The following TEX9 variants were observed in gnomAD, a reference collection of about 807,000 sequenced individuals.
The protein encoded by TEX9 is testis expressed 9.
In TEX9, 74 loss-of-function variants were observed where a neutral mutation model predicts 59.6. That is an observed-to-expected ratio of 1.24 (90% CI 1.03 to 1.51). TEX9 has a LOEUF of 1.51. Among genes scored for constraint, TEX9 ranks in the 40% most tolerant of loss-of-function variants. The pLI, the probability that TEX9 is intolerant of heterozygous loss-of-function variation, is 0.00. For synonymous variants in TEX9, 186 were observed against 152.2 expected (o/e 1.22, Z -1.64); for missense variants, 522 against 447.8 (o/e 1.17, Z -1.49).
chr15:56,267,597 T>C (rs1480015779), intron 1 of TEX9, among the ~76,000 whole-genome samples: 1 of 152,222 alleles, frequency 6.6e-6, no homozygotes, highest in Admixed American at 6.5e-5. Context: ...CCTTTCCCCA[T>C]TTCTTGTTTT....
intron 1 of TEX9, among the ~76,000 whole-genome samples, chr15:56,349,429 G>T (rs1335632893): frequency 6.6e-6 from 1 of 152,082 alleles, no homozygotes; most frequent in Non-Finnish European, 1.5e-5. Context: ...ACATAATTTT[G>T]GGATTTCCCT....
intron 1 of TEX9, among the ~76,000 whole-genome samples, chr15:56,314,791 C>T (rs1435456239): frequency 6.6e-6 from 1 of 151,720 alleles, no homozygotes; most frequent in East Asian, 1.9e-4. Context: ...GTCTAAGTCT[C>T]TTTGTAGGTC....
chr15:56,381,477 T>A (rs1353643597), intron 3 of TEX9, among the ~76,000 whole-genome samples: 1 of 152,234 alleles, frequency 6.6e-6, no homozygotes, highest in Non-Finnish European at 1.5e-5. Flanking sequence ...TGTCACTGTC[T>A]AGGCATTGAA....
upstream of TEX9, among the ~76,000 whole-genome samples, chr15:56,363,674 T>C (rs1376905379): frequency 6.7e-6 from 1 of 149,288 alleles, no homozygotes; most frequent in South Asian, 2.1e-4. Context: ...TTGTTTTTCT[T>C]TTTTTTTTTG....
chr15:56,342,209 G>A (rs192350311), intron 1 of TEX9, among the ~76,000 whole-genome samples: 6 of 152,096 alleles, frequency 3.9e-5, no homozygotes, highest in Non-Finnish European at 5.9e-5. Flanking sequence ...TATGCCAGGC[G>A]CTCTCCTAAT....
chr15:56,427,753 T>G lies in TEX9; in HGVS notation c.1098+14T>G. On this transcript the variant is annotated intron_variant, in intron 11 of 12. Coordinates refer to ENST00000352903, the Ensembl canonical transcript of TEX9. ...AAAAGGCAAAAGGTGAGTCTATCATTAAAGTTAAATCATCATATTATTTGT... is the reference window on the plus strand; with the variant it reads ...AAAAGGCAAAAGGTGAGTCTATCATGAAAGTTAAATCATCATATTATTTGT... 1.4e-6 allele frequency: 2 copies of G among 1,437,174 alleles called. No individual in the cohort carries two copies. Among genetic ancestry groups the G allele is most frequent in the Non-Finnish European group, 1.8e-6 (2 of 1,084,796 alleles). 89.0% of individuals were successfully genotyped at this position (1,437,174 alleles called of 1,614,324 possible). A position where few individuals can be genotyped will look rare whatever the true frequency, so the allele number is the denominator to read the frequency against.
intron 1 of TEX9, among the ~76,000 whole-genome samples, chr15:56,349,541 A>C (rs2046535719): frequency 1.3e-5 from 2 of 152,120 alleles, no homozygotes; most frequent in African/African-American, 4.8e-5. Context: ...CCTCTGTTGT[A>C]CCAAATGCAG....
chr15:56,325,056 G>C (rs2045993958), intron 1 of TEX9, among the ~76,000 whole-genome samples: 1 of 152,216 alleles, frequency 6.6e-6, no homozygotes, highest in South Asian at 2.1e-4. Flanking sequence ...GTTTAAGTCA[G>C]TTTGGCAATA....
intron 3 of TEX9, among the ~76,000 whole-genome samples, chr15:56,380,115 T>C (rs2047657601): frequency 6.6e-6 from 1 of 152,118 alleles, no homozygotes; most frequent in Non-Finnish European, 1.5e-5. Context: ...GTCTTCCTTT[T>C]ATTGAAGGTG....
At chr15:56,316,623 C>G (rs187659221) in intron 1 of TEX9, among the ~76,000 whole-genome samples, 7,053 of 152,196 alleles carry the variant, frequency 0.046, 582 homozygotes, top group East Asian at 0.37. Context: ...GCCCTGCCCC[C>G]AGAGGTGGAG....
At chr15:56,315,623 T>G (rs1227857375) in intron 1 of TEX9, among the ~76,000 whole-genome samples, 1 of 147,782 alleles carries the variant, frequency 6.8e-6, no homozygotes, top group African/African-American at 2.4e-5. Context: ...CTGACAATTA[T>G]GTGTCTTGGA....
rs533212544 is a variant in TEX9, at chr15:56,251,508, C to T, written c.-107+7230C>T. On this transcript the variant is annotated intron_variant, in intron 1 of 5. Transcript: ENST00000560827. ...AAGGAAGATGTTAGTAATTAGCTAA[C>T]GGATTGATTCCTTTTTTGGAGAGTA... Among the ~76,000 whole-genome samples the T allele has an allele frequency of 2.0e-5, 3 of 152,152 alleles. No homozygotes were observed. The South Asian group carries it at 6.2e-4, about 32-fold the overall frequency.
chr15:56,279,362 C>A (rs1339478079), intron 1 of TEX9, among the ~76,000 whole-genome samples: 1 of 152,152 alleles, frequency 6.6e-6, no homozygotes, highest in African/African-American at 2.4e-5. Context: ...TAAGACTTAT[C>A]TCTTGTCTGG....
chr15:56,405,456 C>G (rs570711426), intron 9 of TEX9, among the ~76,000 whole-genome samples: 78 of 152,074 alleles, frequency 5.1e-4, no homozygotes, highest in Non-Finnish European at 1.1e-3. Flanking sequence ...CCCGAATCCC[C>G]CAAAATTAAA....
chr15:56,428,875 T>G (rs1212985499), intron 12 of TEX9: 3 of 484,300 alleles, frequency 6.2e-6, no homozygotes, highest in African/African-American at 4.0e-5. Flanking sequence ...AACAGTGCTC[T>G]GTAGTGTTGT....
At chr15:56,407,705 G>A (rs555710130) in intron 9 of TEX9, among the ~76,000 whole-genome samples, 1 of 152,242 alleles carries the variant, frequency 6.6e-6, no homozygotes, top group Admixed American at 6.5e-5. Context: ...TTTTGGAGAT[G>A]ATTATTAAAC....
At chr15:56,447,174 G>A, downstream of TEX9, 1 of 369,656 alleles carries the variant, frequency 2.7e-6, no homozygotes. Flanking sequence ...TCATCTGTTT[G>A]CTTATCCTGT....
At chr15:56,436,054 G>A (rs989106812) in intron 12 of TEX9, among the ~76,000 whole-genome samples, 2 of 152,000 alleles carry the variant, frequency 1.3e-5, no homozygotes, top group Non-Finnish European at 2.9e-5. Context: ...GTAGAAAAAA[G>A]TGTTTAACCA....
At chr15:56,340,251 A>G (rs1289838586) in intron 1 of TEX9, among the ~76,000 whole-genome samples, 1 of 152,198 alleles carries the variant, frequency 6.6e-6, no homozygotes, top group East Asian at 1.9e-4. Flanking sequence ...ATCCATTTCA[A>G]TGATATGTTT....
Sources: allele counts gnomAD v4.1 joint callset (sites outside exome capture counted in the v4.1 genomes callset), GRCh38; gene constraint gnomAD v4.1.1; transcripts MANE v1.5; gene names NCBI Gene and HGNC (gene_info 2026-07-23, HGNC 2026-07-21).